Variants in MTMR3 observed in about 807,000 individuals in gnomAD.
MTMR3 encodes myotubularin related protein 3.
In MTMR3, 32 loss-of-function variants were observed where a neutral mutation model predicts 132.4. That is an observed-to-expected ratio of 0.24 (90% CI 0.18 to 0.32). MTMR3 has a LOEUF of 0.32. Ranked by LOEUF, MTMR3 falls within the 10% of genes least tolerant of loss-of-function variation. MTMR3 has a pLI of 1.00. For missense variants in MTMR3, 1,216 were observed against 1,489.6 expected (o/e 0.82, Z 3.02); for synonymous variants, 556 against 550.3 (o/e 1.01, Z -0.14).
chr22:29,963,470 A>G (rs981375103), intron 2 of MTMR3, among the ~76,000 whole-genome samples: 1 of 148,826 alleles, frequency 6.7e-6, no homozygotes, highest in Non-Finnish European at 1.5e-5. Context: ...GCTCACTGCA[A>G]CCTCTGTCTC....
chr22:29,974,555 G>GA (rs1483901802), intron 3 of MTMR3, among the ~76,000 whole-genome samples: 4 of 152,160 alleles, frequency 2.6e-5, no homozygotes, highest in African/African-American at 9.7e-5. Context: ...GTTTTATGTT[G>GA]AAAATCATGC....
At chr22:29,924,674 AG>A (rs2065481771) in intron 1 of MTMR3, among the ~76,000 whole-genome samples, 1 of 152,194 alleles carries the variant, frequency 6.6e-6, no homozygotes, top group Non-Finnish European at 1.5e-5. Flanking sequence ...CACAATATAA[AG>A]TCTTCCAATC....
At chr22:30,008,351 C>T (rs970566307) in intron 11 of MTMR3, 4 of 230,970 alleles carry the variant, frequency 1.7e-5, no homozygotes, top group Non-Finnish European at 3.5e-5. Context: ...ATTTCTCAGC[C>T]GTCTAAAAGC....
intron 7 of MTMR3, chr22:29,992,721 G>A (rs1328360472): frequency 6.6e-6 from 1 of 152,162 alleles, no homozygotes; most frequent in Non-Finnish European, 1.5e-5. Flanking sequence ...AATCTTATAA[G>A]TCTGCCCTGG....
intron 1 of MTMR3, among the ~76,000 whole-genome samples, chr22:29,917,445 A>G (rs2145761073): frequency 6.6e-6 from 1 of 152,332 alleles, no homozygotes; most frequent in Admixed American, 6.5e-5. Flanking sequence ...TTCAAGGCCC[A>G]AGGCCAGCCT....
Position 29,946,020 on chromosome 22 carries a change from T to TG in MTMR3, c.-137-11016_-137-11015insG, listed in dbSNP as rs1428832589. Among the ~76,000 whole-genome samples, 678 of 83,812 alleles carry TG rather than the reference T, an allele frequency of 8.1e-3. 6 individuals carry two copies. Among genetic ancestry groups the TG allele is most frequent in the African/African-American group, 0.038 (640 of 16,862 alleles). The allele number at this position is 83,812 out of a possible 152,430, so 55.0% of individuals were successfully genotyped here. A position where few individuals can be genotyped will look rare whatever the true frequency, so the allele number is the denominator to read the frequency against. On this transcript the variant is annotated intron_variant, in intron 1 of 19. Coordinates refer to ENST00000401950, the MANE Select transcript of MTMR3 (RefSeq NM_021090.4). ...TAAAACTTGTGTGTGTGTGTATATA[T>TG]TTGTGTGTGTGTGTGTGTAAGGTAA...
chr22:29,965,353 C>T (rs547979121), intron 2 of MTMR3, among the ~76,000 whole-genome samples: 34 of 152,148 alleles, frequency 2.2e-4, no homozygotes, highest in African/African-American at 7.9e-4. Context: ...TAAATTGAGA[C>T]TTTTAATGCC....
intron 13 of MTMR3, 39 bp downstream of exon 13, chr22:30,012,602 T>C (rs1210593156): frequency 1.2e-5 from 18 of 1,548,522 alleles, no homozygotes; most frequent in Non-Finnish European, 1.6e-5. Flanking sequence ...TACTTCAGGA[T>C]GAGCCAGGGA....
chr22:29,981,831 GA>G (rs547696174), intron 5 of MTMR3: 21,315 of 115,488 alleles, frequency 0.18, 1,886 homozygotes, highest in African/African-American at 0.28. Context: ...AAAAAAAAAG[GA>G]AAAAAAAAAA....
chr22:29,967,478 T>C (rs970130940), intron 2 of MTMR3, among the ~76,000 whole-genome samples: 1 of 151,770 alleles, frequency 6.6e-6, no homozygotes, highest in African/African-American at 2.4e-5. Flanking sequence ...GCTGTCTTCC[T>C]GTCCTGGCCT....
chr22:29,978,383 A>G (rs1439093202), intron 3 of MTMR3, 59 bp from the exon 4 acceptor site: 2 of 1,437,248 alleles, frequency 1.4e-6, no homozygotes, highest in East Asian at 4.6e-5. Context: ...TATGGCAGAA[A>G]AACCAAATAT....
chr22:29,994,205 G>T, intron 7 of MTMR3: 1 of 926,924 alleles, frequency 1.1e-6, no homozygotes. Flanking sequence ...TAGAGATTAT[G>T]AGTAAGGGTT....
rs1324489364 is a variant in MTMR3 at position 29,998,846 on chromosome 22, T to C, written c.546T>C (p.Asn182=). 9 of 1,609,906 alleles carry C rather than the reference T, an allele frequency of 5.6e-6. No individual in the cohort carries two copies. Among genetic ancestry groups the C allele is most frequent in the Non-Finnish European group, 7.6e-6 (9 of 1,177,626 alleles). Residue 182 remains asparagine (N), a synonymous_variant, in exon 8 of 20, where the codon AAT becomes AAC. Coordinates refer to ENST00000401950, the MANE Select transcript of MTMR3 (RefSeq NM_021090.4). ...MNNAWRISNI[N]EKYKLCGSYP... Reference sequence around the variant, plus strand: ...ACGCCTGGAGGATTTCCAACATCAATGAGAAGTACAAGTGAGTTATATGGG... The same window carrying C: ...ACGCCTGGAGGATTTCCAACATCAACGAGAAGTACAAGTGAGTTATATGGG...
intron 7 of MTMR3, chr22:29,991,906 TATA>T: frequency 2.8e-6 from 1 of 360,548 alleles, no homozygotes; most frequent in African/African-American, 2.1e-5. Context: ...ACAGCTCAAC[TATA>T]ATAAGGTTTT....
At chr22:30,021,739 T>G in intron 17 of MTMR3, 1 of 359,058 alleles carries the variant, frequency 2.8e-6, no homozygotes, top group Non-Finnish European at 5.1e-6. Flanking sequence ...ACATACAGAA[T>G]TCTCATTCCA....
In MTMR3 at chr22:29,937,618, T is replaced by A. The variant is rs1214625092; in HGVS notation, c.-137-19418T>A. Among the ~76,000 whole-genome samples the A allele has an allele frequency of 2.0e-5, 3 of 152,188 alleles. No individual in the cohort carries two copies. In the East Asian group the frequency reaches 5.8e-4, roughly 29 times the overall value. ...TTTTATAAAACACTAGTTTTTAGAA[T>A]ATAAAACTTGGTGAATAGTATCACT... On this transcript the variant is annotated intron_variant, in intron 1 of 19. Coordinates refer to ENST00000401950, the MANE Select transcript of MTMR3 (RefSeq NM_021090.4).
At chr22:29,942,980 G>A (rs1276661191) in intron 1 of MTMR3, among the ~76,000 whole-genome samples, 1 of 152,126 alleles carries the variant, frequency 6.6e-6, no homozygotes, top group African/African-American at 2.4e-5. Context: ...AATCACAAGG[G>A]TATTGGTTGG....
In MTMR3 at chr22:30,005,988, T is replaced by G. The variant is rs542332328; in HGVS notation, c.672-1126T>G. ...CTACATGCAGAAATCTACTTCCATC[T>G]TTATAGATTCGCCTATTCTGGATAC... On this transcript the variant is annotated intron_variant, in intron 9 of 19. Transcript: ENST00000401950. 3.9e-5 allele frequency: 6 copies of G among 152,348 alleles called. No homozygotes were observed. The South Asian group carries it at 1.2e-3, about 32-fold the overall frequency. The allele number at this position is 152,348 out of a possible 1,614,324, so 9.4% of individuals were successfully genotyped here.
intron 1 of MTMR3, among the ~76,000 whole-genome samples, chr22:29,913,865 C>T (rs1321896102): frequency 1.3e-5 from 2 of 152,278 alleles, no homozygotes; most frequent in East Asian, 1.9e-4. Flanking sequence ...TATTCTCCTG[C>T]CTCAGCCTGC....
Sources: allele counts gnomAD v4.1 joint callset (sites outside exome capture counted in the v4.1 genomes callset), GRCh38; gene constraint gnomAD v4.1.1; transcripts MANE v1.5; gene names NCBI Gene and HGNC (gene_info 2026-07-23, HGNC 2026-07-21).